Variants in SSBP2 observed in about 807,000 individuals in gnomAD.
The protein encoded by SSBP2 is single-stranded DNA-binding protein 2.
A neutral mutation model predicts 61.8 loss-of-function variants in SSBP2; 17 were observed. The observed-to-expected ratio is 0.28, with a 90% CI of 0.19 to 0.41. SSBP2 has a LOEUF of 0.41. Among genes scored for constraint, SSBP2 ranks in the 10% least tolerant of loss-of-function variants. The probability of loss-of-function intolerance (pLI) is 1.00; values close to 1 mark genes in which losing one functional copy is unlikely to be tolerated. For synonymous variants in SSBP2, 139 were observed against 141.3 expected (o/e 0.98, Z 0.12); for missense variants, 310 against 458.7 (o/e 0.68, Z 2.96).
intron 4 of SSBP2, among the ~76,000 whole-genome samples, chr5:81,590,253 C>A (rs1427217961): frequency 6.6e-6 from 1 of 151,964 alleles, no homozygotes; most frequent in African/African-American, 2.4e-5. Context: ...CCTTTCAAAT[C>A]AAATGTGAAC....
intron 1 of SSBP2, among the ~76,000 whole-genome samples, chr5:81,718,979 A>C (rs1369408920): frequency 6.6e-6 from 1 of 152,152 alleles, no homozygotes; most frequent in Non-Finnish European, 1.5e-5. Flanking sequence ...ACTAACGAAC[A>C]CTAAATTTTT....
intron 4 of SSBP2, among the ~76,000 whole-genome samples, chr5:81,539,678 C>T (rs1771095271): frequency 6.6e-6 from 1 of 152,176 alleles, no homozygotes; most frequent in Non-Finnish European, 1.5e-5. Context: ...AATATCAAGG[C>T]AAGACCTTCC....
At chr5:81,548,978 A>G (rs1771967506) in intron 4 of SSBP2, among the ~76,000 whole-genome samples, 1 of 152,220 alleles carries the variant, frequency 6.6e-6, no homozygotes, top group Non-Finnish European at 1.5e-5. Flanking sequence ...GAAATTTTAT[A>G]CATATTTAAC....
intron 16 of SSBP2, among the ~76,000 whole-genome samples, chr5:81,423,594 A>T (rs1409634933): frequency 2.6e-5 from 4 of 152,046 alleles, no homozygotes; most frequent in African/African-American, 9.7e-5. Context: ...AAATACAAAA[A>T]GTTAGCCAGG....
intron 1 of SSBP2, among the ~76,000 whole-genome samples, chr5:81,654,141 T>C (rs1162245820): frequency 6.6e-6 from 1 of 152,224 alleles, no homozygotes; most frequent in East Asian, 1.9e-4. Context: ...TTTTTAATTT[T>C]TTTGGTAAAG....
chr5:81,670,025 A>C (rs1751474918), intron 1 of SSBP2, among the ~76,000 whole-genome samples: 1 of 152,092 alleles, frequency 6.6e-6, no homozygotes, highest in South Asian at 2.1e-4. Context: ...AGAGGGATGA[A>C]AGCCACAGAA....
At chr5:81,506,145 GT>G (rs993511464) in intron 5 of SSBP2, among the ~76,000 whole-genome samples, 1 of 151,850 alleles carries the variant, frequency 6.6e-6, no homozygotes, top group Non-Finnish European at 1.5e-5. Context: ...AGGCACCTTT[GT>G]TTTTTTAGTT....
At chr5:81,501,990 G>A (rs945120374) in intron 5 of SSBP2, among the ~76,000 whole-genome samples, 1 of 152,064 alleles carries the variant, frequency 6.6e-6, no homozygotes, top group Admixed American at 6.5e-5. Context: ...GTTTGTAAGA[G>A]CCAACATTTC....
intron 10 of SSBP2, among the ~76,000 whole-genome samples, chr5:81,457,645 T>C (rs1764251810): frequency 6.6e-6 from 1 of 152,136 alleles, no homozygotes; most frequent in African/African-American, 2.4e-5. Context: ...CCTGAAATGA[T>C]GCATTGAGAA....
At chr5:81,492,956 G>C (rs1405422579) in intron 5 of SSBP2, among the ~76,000 whole-genome samples, 1 of 152,000 alleles carries the variant, frequency 6.6e-6, no homozygotes, top group African/African-American at 2.4e-5. Context: ...AAGTGTGTGT[G>C]GGTGAGGCAG....
At chr5:81,744,017 C>CA (rs1412862712) in intron 1 of SSBP2, among the ~76,000 whole-genome samples, 1 of 152,100 alleles carries the variant, frequency 6.6e-6, no homozygotes, top group East Asian at 1.9e-4. Context: ...TACCTGAAGC[C>CA]AAAAGCCTAA....
chr5:81,556,646 T>C (rs190757613), intron 4 of SSBP2, among the ~76,000 whole-genome samples: 1 of 152,164 alleles, frequency 6.6e-6, no homozygotes, highest in Non-Finnish European at 1.5e-5. Flanking sequence ...TACTGCCTTT[T>C]CATGAAATCC....
At chr5:81,481,564 G>A (rs1198975470) in intron 6 of SSBP2, among the ~76,000 whole-genome samples, 1 of 150,734 alleles carries the variant, frequency 6.6e-6, no homozygotes, top group Non-Finnish European at 1.5e-5. Context: ...AGGTTGCAGT[G>A]AGCCGAGATT....
At chr5:81,424,257 C>A (rs974650711) in intron 16 of SSBP2, among the ~76,000 whole-genome samples, 1 of 151,788 alleles carries the variant, frequency 6.6e-6, no homozygotes, top group Non-Finnish European at 1.5e-5. Flanking sequence ...AACCCCGTTT[C>A]TACTAAAAAT....
intron 10 of SSBP2, among the ~76,000 whole-genome samples, chr5:81,456,510 G>A (rs1397544975): frequency 1.3e-5 from 2 of 151,264 alleles, no homozygotes; most frequent in Non-Finnish European, 2.9e-5. Flanking sequence ...TTGGTGTTCC[G>A]GACCTTGTAA....
At chr5:81,684,740 A>T (rs1448988874) in intron 1 of SSBP2, among the ~76,000 whole-genome samples, 2 of 152,170 alleles carry the variant, frequency 1.3e-5, no homozygotes, top group Admixed American at 1.3e-4. Context: ...TTTATTTCAC[A>T]GGCTCATGGG....
intron 5 of SSBP2, among the ~76,000 whole-genome samples, chr5:81,509,851 C>T (rs10050981): frequency 0.039 from 5,876 of 152,246 alleles, 162 homozygotes; most frequent in African/African-American, 0.075. Flanking sequence ...CTTGATTCTT[C>T]TCTTTCTCTT....
chr5:81,704,246 A>G (rs948255086), intron 1 of SSBP2, among the ~76,000 whole-genome samples: 1 of 152,174 alleles, frequency 6.6e-6, no homozygotes, highest in African/African-American at 2.4e-5. Flanking sequence ...CACTATCTCT[A>G]CTTCACTAAC....
intron 3 of SSBP2, among the ~76,000 whole-genome samples, chr5:81,622,982 A>T (rs1746757892): frequency 6.6e-6 from 1 of 152,216 alleles, no homozygotes. Context: ...AATAAATTTC[A>T]ATATTTTTAG....
Sources: gnomAD v4.1 joint callset for allele counts (sites outside exome capture counted in the v4.1 genomes callset) on GRCh38, gnomAD v4.1.1 for gene constraint, MANE v1.5 for transcripts, NCBI Gene and HGNC (gene_info 2026-07-23, HGNC 2026-07-21) for gene names.